Variants in ALPL observed in about 807,000 individuals in gnomAD.
The protein encoded by ALPL is alkaline phosphatase, tissue-nonspecific isozyme.
ALPL carries 42 observed loss-of-function variants against 51.3 expected under a neutral mutation model. That is an observed-to-expected ratio of 0.82 (90% CI 0.64 to 1.06). The LOEUF (loss-of-function observed/expected upper bound fraction) is 1.06. ALPL is among the 50% of genes least tolerant of loss of function. The pLI, the probability that ALPL is intolerant of heterozygous loss-of-function variation, is 0.00. For missense variants in ALPL, 589 were observed against 709.4 expected, an observed-to-expected ratio of 0.83 and a Z score of 1.93; for synonymous variants, 279 against 296.4, an observed-to-expected ratio of 0.94 and a Z score of 0.60.
In ALPL at chr1:21,563,161, T is replaced by C; in HGVS notation, c.349T>C (p.Tyr117His). Residue 117 changes from tyrosine (Y) to histidine (H), a missense_variant, in exon 5 of 12, where the codon TAC (tyrosine) becomes CAC (histidine). Coordinates refer to ENST00000374840, the MANE Select transcript of ALPL (RefSeq NM_000478.6). Reference protein sequence around the residue: ...VPDSAGTATAYLCGVKANEGT... With the variant: ...VPDSAGTATAHLCGVKANEGT... ...TGACAGTGCCGGCACCGCCACCGCC[T>C]ACCTGTGTGGGGTGAAGGCCAATGA... The C allele has an allele frequency of 1.2e-6, 2 of 1,613,874 alleles. No homozygotes were observed. The highest frequency in any genetic ancestry group is 8.5e-7 in the Non-Finnish European group (1 of 1,180,020).
chr1:21,540,261 G>A (rs1644165349), intron 1 of ALPL, among the ~76,000 whole-genome samples: 1 of 152,164 alleles, frequency 6.6e-6, no homozygotes, highest in Non-Finnish European at 1.5e-5. Flanking sequence ...CCCCAGGCAT[G>A]GTGTCTCTGG....
At chr1:21,536,757 T>C (rs1261536802) in intron 1 of ALPL, among the ~76,000 whole-genome samples, 2 of 151,638 alleles carry the variant, frequency 1.3e-5, no homozygotes, top group African/African-American at 4.9e-5. Flanking sequence ...AACTTGGTGG[T>C]ATTGTTAGGA....
At chr1:21,527,324 G>A (rs535392933) in intron 1 of ALPL, among the ~76,000 whole-genome samples, 195 of 152,202 alleles carry the variant, frequency 1.3e-3, no homozygotes, top group Non-Finnish European at 1.9e-3. Flanking sequence ...GAGCCACCAC[G>A]CCCGGCCCTT....
At chr1:21,552,113 CT>C (rs779476405) in intron 1 of ALPL, among the ~76,000 whole-genome samples, 105 of 9,562 alleles carry the variant, frequency 0.011, 5 homozygotes, top group East Asian at 0.016. Flanking sequence ...CTTTCCTCCC[CT>C]TCCCTTTCCT....
chr1:21,568,455 G>A lies in ALPL; in HGVS notation c.792+208G>A, dbSNP rs35526713. Reference sequence around the variant, plus strand: ...CTTGGAGGGGATACCAGAGAGAGGCGGATGGTGAGGAGGAGGCTGGGCCAG... The same window carrying A: ...CTTGGAGGGGATACCAGAGAGAGGCAGATGGTGAGGAGGAGGCTGGGCCAG... On this transcript the variant is annotated intron_variant, in intron 7 of 11. Coordinates refer to ENST00000374840, the MANE Select transcript of ALPL (RefSeq NM_000478.6). Among the ~76,000 whole-genome samples the A allele has an allele frequency of 0.078, 11,853 of 152,162 alleles. 476 individuals carry two copies. The highest frequency in any genetic ancestry group is 0.099 in the Middle Eastern group (29 of 294).
intron 2 of ALPL, among the ~76,000 whole-genome samples, chr1:21,556,183 T>C (rs1192985948): frequency 6.6e-6 from 1 of 152,222 alleles, no homozygotes; most frequent in East Asian, 1.9e-4. Flanking sequence ...TTTATGTTGA[T>C]TTCTTGGTTT....
intron 8 of ALPL, among the ~76,000 whole-genome samples, chr1:21,571,788 G>A (rs1227046252): frequency 6.6e-6 from 1 of 152,120 alleles, no homozygotes; most frequent in African/African-American, 2.4e-5. Context: ...CCAGGAGTTT[G>A]AGACCAGCCT....
chr1:21,563,417 CTG>C, intron 5 of ALPL, 133 bp downstream of exon 5: 1 of 1,170,700 alleles, frequency 8.5e-7, no homozygotes. Context: ...TGCTGGGAGT[CTG>C]TAATATCCAT....
intron 8 of ALPL, among the ~76,000 whole-genome samples, chr1:21,572,500 C>T (rs536013035): frequency 6.6e-6 from 1 of 152,276 alleles, no homozygotes; most frequent in Non-Finnish European, 1.5e-5. Context: ...CGGTGGCATT[C>T]TATGGCATAC....
chr1:21,558,376 C>CGT (rs3841814), intron 2 of ALPL, among the ~76,000 whole-genome samples: 31,683 of 152,074 alleles, frequency 0.21, 3,624 homozygotes, highest in East Asian at 0.48. Flanking sequence ...TGGCACCCAA[C>CGT]TGGCCAAAGA....
intron 9 of ALPL, chr1:21,574,455 G>A (rs1424258707): frequency 6.3e-6 from 1 of 158,242 alleles, no homozygotes; most frequent in African/African-American, 2.4e-5. Context: ...AAGTGATAAA[G>A]ATTCCAGAAA....
chr1:21,511,812 A>G (rs894438114), intron 1 of ALPL, among the ~76,000 whole-genome samples: 2 of 152,182 alleles, frequency 1.3e-5, no homozygotes, highest in African/African-American at 2.4e-5. Context: ...CATGACTTAC[A>G]TACCCAACAT....
chr1:21,511,996 C>T (rs987023437), intron 1 of ALPL, among the ~76,000 whole-genome samples: 1 of 152,136 alleles, frequency 6.6e-6, no homozygotes, highest in African/African-American at 2.4e-5. Context: ...GAGTAGGATC[C>T]AGTAGCAGAG....
In ALPL at chr1:21,561,130, T is replaced by C. The variant is rs781264043; in HGVS notation, c.215T>C (p.Ile72Thr). 5.0e-6 allele frequency: 8 copies of C among 1,613,148 alleles called. No individual in the cohort carries two copies. Among genetic ancestry groups the C allele is most frequent in the African/African-American group, 1.3e-5 (1 of 74,876 alleles). Reference protein sequence around the residue: ...MGVSTVTAARILKGQLHHNPG... With the variant: ...MGVSTVTAARTLKGQLHHNPG... Reference sequence around the variant, plus strand: ...GTCTCCACAGTGACGGCTGCCCGCATCCTCAAGGGTCAGCTCCACCACAAC... The same window carrying C: ...GTCTCCACAGTGACGGCTGCCCGCACCCTCAAGGGTCAGCTCCACCACAAC... Residue 72 changes from isoleucine (I) to threonine (T), a missense_variant, in exon 4 of 12, where the codon ATC (isoleucine) becomes ACC (threonine). Ile to Thr is a moderately conservative substitution (Grantham distance 89). Transcript: ENST00000374840.
intron 4 of ALPL, among the ~76,000 whole-genome samples, chr1:21,561,666 C>CTT (rs11296484): frequency 4.4e-5 from 5 of 112,396 alleles, no homozygotes; most frequent in African/African-American, 1.0e-4. Context: ...CTATATATGC[C>CTT]TTTTTTTTTT....
Position 21,564,509 on chromosome 1 carries a change from A to T in ALPL, c.648+293A>T, listed in dbSNP as rs1644536226. Among the ~76,000 whole-genome samples the T allele has an allele frequency of 6.6e-6, 1 of 152,118 alleles. No individual in the cohort carries two copies. Among genetic ancestry groups the T allele is most frequent in the Non-Finnish European group, 1.5e-5 (1 of 68,016 alleles). Reference sequence around the variant, plus strand: ...GGTGCTGTGCCCTCCTCTGCCCCCCACTACACGGGAGGTGGTGATGGCCAA... The same window carrying T: ...GGTGCTGTGCCCTCCTCTGCCCCCCTCTACACGGGAGGTGGTGATGGCCAA... On this transcript the variant is annotated intron_variant, in intron 6 of 11. Transcript: ENST00000374840. The surrounding 1 kb of genome is among the most constrained non-coding windows in gnomAD (Gnocchi z 5.8).
chr1:21,575,094 C>A lies in ALPL; in HGVS notation c.998-639C>A, dbSNP rs957010518. Among the ~76,000 whole-genome samples, 10 of 152,336 alleles carry A rather than the reference C, an allele frequency of 6.6e-5. No individual in the cohort carries two copies. The South Asian group carries it at 8.3e-4, about 13-fold the overall frequency. ...CAGGCTTCGGCAGGGCTTTGTGGAA[C>A]CTGCCACAGGCACTGCCCAGGCACT... On this transcript the variant is annotated intron_variant, in intron 9 of 11. Transcript: ENST00000374840.
chr1:21,523,880 G>A (rs1010426579), intron 1 of ALPL, among the ~76,000 whole-genome samples: 20 of 151,944 alleles, frequency 1.3e-4, no homozygotes, highest in African/African-American at 4.6e-4. Flanking sequence ...CCATGGGGTT[G>A]TCTGGTCCAG....
intron 2 of ALPL, among the ~76,000 whole-genome samples, chr1:21,555,457 C>G (rs1644400381): frequency 1.3e-5 from 2 of 152,208 alleles, no homozygotes. Context: ...ACTCTGTTTG[C>G]CCAGGATGGA....
Sources: gnomAD v4.1 joint callset for allele counts (sites outside exome capture counted in the v4.1 genomes callset) on GRCh38, gnomAD v4.1.1 for gene constraint, Gnocchi (gnomAD v3.1) non-coding constraint, MANE v1.5 for transcripts, NCBI Gene and HGNC (gene_info 2026-07-23, HGNC 2026-07-21) for gene names.